ARK2C: variants seen among roughly 807,000 people sequenced by gnomAD.
ARK2C encodes E3 ubiquitin-protein ligase ARK2C.
chr18:46,346,256 A>AG, the ARK2C span, among the ~76,000 whole-genome samples: 1 of 152,160 alleles, frequency 6.6e-6, no homozygotes, highest in Non-Finnish European at 1.5e-5. Context: ...GGATCTTCTG[A>AG]GGGGGGCACA....
chr18:46,444,894 A>C, the ARK2C span, among the ~76,000 whole-genome samples: 1 of 152,158 alleles, frequency 6.6e-6, no homozygotes, highest in South Asian at 2.1e-4. Flanking sequence ...TTTCATCTCT[A>C]GAAGTTCCAT....
the ARK2C span, among the ~76,000 whole-genome samples, chr18:46,369,116 G>T: frequency 2.6e-5 from 4 of 152,204 alleles, no homozygotes; most frequent in African/African-American, 9.6e-5. Context: ...GCCAGGATTT[G>T]AATCTAGACC....
At chr18:46,400,633 T>A in the ARK2C span, among the ~76,000 whole-genome samples, 2 of 152,132 alleles carry the variant, frequency 1.3e-5, no homozygotes, top group Non-Finnish European at 2.9e-5. Flanking sequence ...CTCACAGGTC[T>A]CCATCTGTTC....
the ARK2C span, among the ~76,000 whole-genome samples, chr18:46,340,483 T>G: frequency 2.0e-5 from 3 of 152,144 alleles, no homozygotes; most frequent in African/African-American, 7.2e-5. Flanking sequence ...GAGACCTGAG[T>G]GCCTCCCTCC....
the ARK2C span, among the ~76,000 whole-genome samples, chr18:46,358,705 C>T: frequency 4.6e-5 from 7 of 152,216 alleles, no homozygotes; most frequent in South Asian, 1.5e-3. Context: ...TCCAGACCCC[C>T]AGGAACACCC....
At chr18:46,456,300 C>T in the ARK2C span, among the ~76,000 whole-genome samples, 1 of 152,142 alleles carries the variant, frequency 6.6e-6, no homozygotes, top group African/African-American at 2.4e-5. Context: ...TGTAGGAGAA[C>T]AGTGTGGTGT....
the ARK2C span, among the ~76,000 whole-genome samples, chr18:46,356,741 C>A: frequency 6.6e-5 from 10 of 152,344 alleles, no homozygotes; most frequent in Admixed American, 5.9e-4. Flanking sequence ...CAAAGCCCTT[C>A]TGATGGCGTT....
At chr18:46,343,911 C>T in the ARK2C span, among the ~76,000 whole-genome samples, 3 of 152,332 alleles carry the variant, frequency 2.0e-5, no homozygotes, top group South Asian at 4.1e-4. Context: ...TCCTTGACCC[C>T]GAGCTCAAGG....
At chr18:46,334,241 A>AGCCGCC in the ARK2C span, 18 of 1,414,502 alleles carry the variant, frequency 1.3e-5, no homozygotes, top group Admixed American at 2.4e-5. The surrounding 1 kb of genome is among the most constrained non-coding windows in gnomAD (Gnocchi z 4.4). Context: ...GCCCGCGCGC[A>AGCCGCC]GCCGCCGCCG....
chr18:46,336,431 C>T, the ARK2C span: 1 of 985,396 alleles, frequency 1.0e-6, no homozygotes. Context: ...TTAAAGTTTA[C>T]TTTCACGGCA....
the ARK2C span, among the ~76,000 whole-genome samples, chr18:46,345,705 C>T: frequency 6.6e-6 from 1 of 152,236 alleles, no homozygotes; most frequent in Non-Finnish European, 1.5e-5. Flanking sequence ...TTAAACTAAA[C>T]AAGCAACTCT....
chr18:46,359,762 C>G, the ARK2C span, among the ~76,000 whole-genome samples: 1 of 152,210 alleles, frequency 6.6e-6, no homozygotes, highest in Non-Finnish European at 1.5e-5. Flanking sequence ...TCACAACTTC[C>G]CTTTTCAAAG....
At chr18:46,372,589 T>C in the ARK2C span, among the ~76,000 whole-genome samples, 1 of 152,120 alleles carries the variant, frequency 6.6e-6, no homozygotes, top group Non-Finnish European at 1.5e-5. Flanking sequence ...CACGTGACCA[T>C]GGTCACAGGC....
At chr18:46,340,432 TTGGG>T in the ARK2C span, among the ~76,000 whole-genome samples, 1,447 of 152,344 alleles carry the variant, frequency 9.5e-3, 5 homozygotes, top group Non-Finnish European at 0.014. Context: ...GAATACTTAC[TTGGG>T]GCCAAACACT....
At chr18:46,441,955 G>A in the ARK2C span, among the ~76,000 whole-genome samples, 213 of 150,924 alleles carry the variant, frequency 1.4e-3, 1 homozygote, top group African/African-American at 4.7e-3. Flanking sequence ...ACGAGGTCAG[G>A]GGATCGAGAC....
the ARK2C span, among the ~76,000 whole-genome samples, chr18:46,397,666 TTG>T: frequency 0.011 from 657 of 59,326 alleles, 5 homozygotes; most frequent in Non-Finnish European, 0.014. Context: ...TGGGGCAGAA[TTG>T]TGTGTGTGTG....
the ARK2C span, chr18:46,334,703 TGTGTGTGTGTGTGA>T: frequency 4.8e-3 from 1,494 of 309,492 alleles, 5 homozygotes; most frequent in South Asian, 0.035. The surrounding 1 kb of genome is among the most constrained non-coding windows in gnomAD (Gnocchi z 4.4). Flanking sequence ...TGTGTGTGTG[TGTGTGTGTGTGTGA>T]GAGAGAGAGA....
chr18:46,388,597 TG>T, the ARK2C span, among the ~76,000 whole-genome samples: 1 of 152,024 alleles, frequency 6.6e-6, no homozygotes, highest in Non-Finnish European at 1.5e-5. Flanking sequence ...TGCCCTCAAT[TG>T]GGATCTGGGG....
the ARK2C span, among the ~76,000 whole-genome samples, chr18:46,423,292 T>C: frequency 1.3e-5 from 2 of 152,074 alleles, no homozygotes; most frequent in African/African-American, 4.8e-5. Context: ...CCTGGGGCTA[T>C]TGGCCAAGGC....
Sources: allele counts gnomAD v4.1 joint callset (sites outside exome capture counted in the v4.1 genomes callset), GRCh38; gene constraint gnomAD v4.1.1; non-coding constraint Gnocchi (gnomAD v3.1); transcripts MANE v1.5; gene names NCBI Gene and HGNC (gene_info 2026-07-23, HGNC 2026-07-21).